ZNF804A: variants seen among roughly 807,000 people sequenced by gnomAD.
ZNF804A encodes the protein zinc finger protein 804A.
Under a neutral mutation model 16.5 loss-of-function variants are expected in ZNF804A, and 2 were observed. The observed-to-expected ratio is 0.12, with a 90% CI of 0.05 to 0.38. The LOEUF is 0.38. Among genes scored for constraint, ZNF804A ranks in the 10% least tolerant of loss-of-function variants. The pLI is 0.99. For missense variants in ZNF804A, 1,473 were observed against 1,390.7 expected (o/e 1.06, Z -0.94); for synonymous variants, 534 against 489.6 (o/e 1.09, Z -1.20).
chr2:184,865,426 A>G (rs1385454824), intron 1 of ZNF804A, among the ~76,000 whole-genome samples: 2 of 152,004 alleles, frequency 1.3e-5, no homozygotes, highest in Non-Finnish European at 2.9e-5. Flanking sequence ...GCTTCCACTT[A>G]TGGCAGAAGG....
intron 1 of ZNF804A, among the ~76,000 whole-genome samples, chr2:184,803,819 T>C (rs1368900152): frequency 6.6e-6 from 1 of 151,328 alleles, no homozygotes; most frequent in Non-Finnish European, 1.5e-5. Context: ...TGTCTTCACA[T>C]GGCTTTCTCT....
intron 1 of ZNF804A, among the ~76,000 whole-genome samples, chr2:184,624,282 T>C (rs1691464631): frequency 6.6e-6 from 1 of 152,160 alleles, no homozygotes; most frequent in Non-Finnish European, 1.5e-5. Context: ...TTTTATGCTA[T>C]ATTTTACCAC....
intron 1 of ZNF804A, among the ~76,000 whole-genome samples, chr2:184,614,072 G>T (rs1220314043): frequency 1.3e-5 from 2 of 152,068 alleles, no homozygotes; most frequent in Non-Finnish European, 2.9e-5. Flanking sequence ...GCATGGTACT[G>T]GTACCAAAAC....
chr2:184,699,837 T>C (rs1692891869), intron 1 of ZNF804A, among the ~76,000 whole-genome samples: 1 of 152,100 alleles, frequency 6.6e-6, no homozygotes, highest in Non-Finnish European at 1.5e-5. Context: ...ATCAACTTTG[T>C]ATAGATGAAA....
At chr2:184,810,264 C>A (rs185462789) in intron 1 of ZNF804A, among the ~76,000 whole-genome samples, 293 of 152,174 alleles carry the variant, frequency 1.9e-3, no homozygotes, top group Non-Finnish European at 3.3e-3. Context: ...AATTTGCCAA[C>A]GCCTGCTATA....
At chr2:184,887,181 AG>A (rs2105820510) in intron 2 of ZNF804A, among the ~76,000 whole-genome samples, 1 of 152,336 alleles carries the variant, frequency 6.6e-6, no homozygotes, top group African/African-American at 2.4e-5. Flanking sequence ...ACAAATCTCC[AG>A]GGCAGGGGCA....
chr2:184,832,951 C>A (rs1052247947), intron 1 of ZNF804A, among the ~76,000 whole-genome samples: 1 of 151,856 alleles, frequency 6.6e-6, no homozygotes, highest in Admixed American at 6.6e-5. Flanking sequence ...TTTATGCTGC[C>A]ACAAATAACC....
At position 184,696,248 on chromosome 2, in the gene ZNF804A, A is replaced by G. The variant is rs79351090; in HGVS notation, c.111+97178A>G. On this transcript the variant is annotated intron_variant, in intron 1 of 3. Coordinates refer to ENST00000302277, the MANE Select transcript of ZNF804A (RefSeq NM_194250.2). ...AGGCGAGATTGGGTTTAAAAAAACAAAAGAGGAAGACCAATTGCATTATGT... is the reference window on the plus strand; with the variant it reads ...AGGCGAGATTGGGTTTAAAAAAACAGAAGAGGAAGACCAATTGCATTATGT... Among the ~76,000 whole-genome samples, 1,133 of 152,294 alleles carry G rather than the reference A, an allele frequency of 7.4e-3. 21 individuals carry two copies. The highest frequency in any genetic ancestry group is 0.026 in the African/African-American group (1,076 of 41,560).
intron 1 of ZNF804A, among the ~76,000 whole-genome samples, chr2:184,792,979 A>G (rs1694573427): frequency 6.6e-6 from 1 of 151,974 alleles, no homozygotes; most frequent in Non-Finnish European, 1.5e-5. Context: ...ATTTATGTAC[A>G]TATGTGCTTG....
intron 1 of ZNF804A, among the ~76,000 whole-genome samples, chr2:184,784,272 G>A (rs184156410): frequency 3.3e-5 from 5 of 151,894 alleles, no homozygotes; most frequent in Admixed American, 2.0e-4. Context: ...GACTTCTTCA[G>A]CAGCAAGACA....
intron 1 of ZNF804A, among the ~76,000 whole-genome samples, chr2:184,822,861 C>A (rs1238465667): frequency 6.6e-6 from 1 of 151,874 alleles, no homozygotes; most frequent in Non-Finnish European, 1.5e-5. Context: ...TATTTATAAA[C>A]CTTGTTTGGG....
chr2:184,675,809 AT>A (rs1692414152), intron 1 of ZNF804A, among the ~76,000 whole-genome samples: 1 of 151,676 alleles, frequency 6.6e-6, no homozygotes, highest in South Asian at 2.1e-4. Flanking sequence ...TATTCCTGTC[AT>A]TTCTTTTTTC....
At chr2:184,680,496 A>G (rs970090451) in intron 1 of ZNF804A, among the ~76,000 whole-genome samples, 1 of 152,216 alleles carries the variant, frequency 6.6e-6, no homozygotes, top group Non-Finnish European at 1.5e-5. Context: ...AGACACTGGG[A>G]CAACTTTCCC....
intron 1 of ZNF804A, among the ~76,000 whole-genome samples, chr2:184,838,491 T>C (rs1241003049): frequency 2.0e-5 from 3 of 152,130 alleles, no homozygotes; most frequent in African/African-American, 7.2e-5. Context: ...ATTGTGATTA[T>C]TCTATAGAGA....
chr2:184,645,507 T>C (rs904443884), intron 1 of ZNF804A, among the ~76,000 whole-genome samples: 1 of 152,214 alleles, frequency 6.6e-6, no homozygotes, highest in African/African-American at 2.4e-5. Flanking sequence ...TTATTAGATA[T>C]AGCTGTTTAT....
At chr2:184,664,055 T>C (rs1396968021) in intron 1 of ZNF804A, among the ~76,000 whole-genome samples, 2 of 152,226 alleles carry the variant, frequency 1.3e-5, no homozygotes, top group Admixed American at 1.3e-4. Flanking sequence ...ATACTTTGTC[T>C]CTTTTGTGTA....
chr2:184,661,000 A>G (rs1692167837), intron 1 of ZNF804A, among the ~76,000 whole-genome samples: 1 of 152,204 alleles, frequency 6.6e-6, no homozygotes, highest in African/African-American at 2.4e-5. Context: ...ATGTTTTTCT[A>G]AAAAACAAAG....
intron 1 of ZNF804A, among the ~76,000 whole-genome samples, chr2:184,851,029 C>T (rs1472157256): frequency 2.0e-5 from 3 of 151,760 alleles, no homozygotes; most frequent in African/African-American, 4.8e-5. Context: ...GTTCTGTTTG[C>T]TTTTTTACAC....
At chr2:184,625,633 A>G (rs1304637719) in intron 1 of ZNF804A, among the ~76,000 whole-genome samples, 1 of 152,136 alleles carries the variant, frequency 6.6e-6, no homozygotes, top group Non-Finnish European at 1.5e-5. Flanking sequence ...GTTTGAGGCT[A>G]TTTTACCTTT....
Sources: allele counts gnomAD v4.1 joint callset (sites outside exome capture counted in the v4.1 genomes callset), GRCh38; gene constraint gnomAD v4.1.1; transcripts MANE v1.5; gene names NCBI Gene and HGNC (gene_info 2026-07-23, HGNC 2026-07-21).